ABCC4: variants seen among roughly 807,000 people sequenced by gnomAD.
ABCC4 encodes the protein ATP binding cassette subfamily C member 4 (PEL blood group).
In ABCC4, 102 loss-of-function variants were observed where a neutral mutation model predicts 168.5. The observed-to-expected ratio is 0.61, with a 90% CI of 0.52 to 0.71. The LOEUF is 0.71. Ranked by LOEUF, ABCC4 falls within the 30% of genes least tolerant of loss-of-function variation. ABCC4 has a pLI of 0.00. For missense variants in ABCC4, 1,402 were observed against 1,605.8 expected (o/e 0.87, Z 2.17); for synonymous variants, 617 against 590.7 (o/e 1.04, Z -0.65).
At chr13:95,128,638 T>C (rs1271147228) in intron 19 of ABCC4, among the ~76,000 whole-genome samples, 1 of 152,176 alleles carries the variant, frequency 6.6e-6, no homozygotes, top group Non-Finnish European at 1.5e-5. Context: ...ACTCAGAACC[T>C]ACCTTTCACC....
chr13:95,082,861 A>C (rs532836147), intron 21 of ABCC4, among the ~76,000 whole-genome samples: 2 of 152,318 alleles, frequency 1.3e-5, no homozygotes, highest in African/African-American at 4.8e-5. Flanking sequence ...CAAGACACGG[A>C]GAGTCCCTGT....
chr13:95,094,769 C>T (rs2034538553), intron 20 of ABCC4, among the ~76,000 whole-genome samples: 1 of 152,168 alleles, frequency 6.6e-6, no homozygotes, highest in Non-Finnish European at 1.5e-5. Context: ...ACAATCTATA[C>T]ACATTTGACA....
chr13:95,071,565 ATCACTGATCCCCT>A, intron 25 of ABCC4, 84 bp downstream of exon 25: 1 of 1,084,966 alleles, frequency 9.2e-7, no homozygotes, highest in Middle Eastern at 2.6e-4. Flanking sequence ...TAACCTACGT[ATCACTGATCCCCT>A]TCACACATCC....
chr13:95,087,947 A>C (rs902302115), intron 20 of ABCC4, among the ~76,000 whole-genome samples: 1 of 152,142 alleles, frequency 6.6e-6, no homozygotes, highest in Non-Finnish European at 1.5e-5. Context: ...ACAAGATCTA[A>C]ACAAACATTC....
chr13:95,230,832 G>A (rs575471525), intron 4 of ABCC4, among the ~76,000 whole-genome samples: 5 of 152,230 alleles, frequency 3.3e-5, no homozygotes, highest in East Asian at 3.9e-4. Context: ...TTGTACATTC[G>A]TGTTCATAGC....
At chr13:95,151,026 T>C (rs1240698437) in intron 19 of ABCC4, among the ~76,000 whole-genome samples, 5 of 152,234 alleles carry the variant, frequency 3.3e-5, no homozygotes, top group African/African-American at 1.2e-4. Context: ...TTTTATAAAA[T>C]CAAGGCCAAT....
intron 1 of ABCC4, among the ~76,000 whole-genome samples, chr13:95,268,570 T>C (rs1288738379): frequency 2.6e-5 from 4 of 152,190 alleles, no homozygotes; most frequent in African/African-American, 9.7e-5. Flanking sequence ...CCCAATTGTA[T>C]ATTCCATCTA....
At chr13:95,162,326 C>G (rs2040642360) in intron 18 of ABCC4, among the ~76,000 whole-genome samples, 2 of 152,182 alleles carry the variant, frequency 1.3e-5, no homozygotes, top group African/African-American at 2.4e-5. Context: ...TAGGTTCTTA[C>G]AAAGATAACT....
chr13:95,026,888 C>CAA (rs35654581), intron 30 of ABCC4, among the ~76,000 whole-genome samples: 18 of 142,650 alleles, frequency 1.3e-4, no homozygotes, highest in African/African-American at 4.1e-4. Flanking sequence ...GACCCTGTCT[C>CAA]AAAAAAAAAA....
rs376790038 is a variant in ABCC4 at position 95,206,643 on chromosome 13, G to A, written c.1050C>T (p.Arg350=). 20 of 1,614,004 alleles carry A rather than the reference G, an allele frequency of 1.2e-5. No individual in the cohort carries two copies. The highest frequency in any genetic ancestry group is 5.5e-5 in the South Asian group (5 of 91,082). ...CATACAGCGTCACTGCCACGAACAC[G>A]CGGCTGGCTGTGATCACACTGCCGA... ...VLLGSVITAS[R]VFVAVTLYGA... is the part of the protein sequence containing the mutation. The change falls in exon 8 of 31, where the codon CGC becomes CGT. Residue 350 remains arginine (R), a synonymous_variant. Transcript: ENST00000645237.
chr13:95,096,671 A>T (rs892415838), intron 20 of ABCC4, among the ~76,000 whole-genome samples: 14 of 151,106 alleles, frequency 9.3e-5, no homozygotes, highest in Non-Finnish European at 1.6e-4. Context: ...CAAAAAAAGG[A>T]AAAAAAAAGA....
At chr13:95,274,274 C>A (rs1348489318) in intron 1 of ABCC4, among the ~76,000 whole-genome samples, 1 of 152,116 alleles carries the variant, frequency 6.6e-6, no homozygotes, top group Non-Finnish European at 1.5e-5. Context: ...ACTATGATGT[C>A]TTGACGTTTT....
intron 21 of ABCC4, among the ~76,000 whole-genome samples, chr13:95,078,668 T>C (rs905967088): frequency 6.6e-6 from 1 of 152,276 alleles, no homozygotes; most frequent in Admixed American, 6.5e-5. Flanking sequence ...AGGGTGATAT[T>C]AGGAATAACA....
chr13:95,190,637 G>A (rs762536818), intron 9 of ABCC4, among the ~76,000 whole-genome samples: 5 of 152,154 alleles, frequency 3.3e-5, no homozygotes, highest in Non-Finnish European at 5.9e-5. Flanking sequence ...AACCTCAACC[G>A]TAAAAACTGC....
chr13:95,265,651 A>G (rs113135652), intron 1 of ABCC4, among the ~76,000 whole-genome samples: 1,541 of 152,198 alleles, frequency 0.01, 14 homozygotes, highest in African/African-American at 0.028. Flanking sequence ...AAGGAGACCC[A>G]CGCTAAGAGG....
At chr13:95,055,244 T>C (rs551549821) in intron 26 of ABCC4, among the ~76,000 whole-genome samples, 1 of 152,322 alleles carries the variant, frequency 6.6e-6, no homozygotes, top group South Asian at 2.1e-4. Context: ...AGATAAAAAC[T>C]TGACTTACTC....
At chr13:95,113,463 A>G (rs1179774487) in intron 20 of ABCC4, among the ~76,000 whole-genome samples, 1 of 152,050 alleles carries the variant, frequency 6.6e-6, no homozygotes, top group Non-Finnish European at 1.5e-5. Context: ...TTTTCATTCT[A>G]TGTGCTTACC....
At chr13:95,297,954 A>T (rs2041577615) in intron 1 of ABCC4, among the ~76,000 whole-genome samples, 1 of 152,118 alleles carries the variant, frequency 6.6e-6, no homozygotes, top group Admixed American at 6.6e-5. Flanking sequence ...TCAGATGATG[A>T]TTATTATTAT....
At chr13:95,064,274 AT>A (rs2033428786) in intron 25 of ABCC4, among the ~76,000 whole-genome samples, 1 of 84,054 alleles carries the variant, frequency 1.2e-5, no homozygotes, top group African/African-American at 5.1e-5. Context: ...ATATATATAT[AT>A]ATATATATAT....
Sources: gnomAD v4.1 joint callset for allele counts (sites outside exome capture counted in the v4.1 genomes callset) on GRCh38, gnomAD v4.1.1 for gene constraint, MANE v1.5 for transcripts, NCBI Gene and HGNC (gene_info 2026-07-23, HGNC 2026-07-21) for gene names.